WWOX: variants seen among roughly 807,000 people sequenced by gnomAD.
WWOX encodes WW domain containing oxidoreductase.
A neutral mutation model predicts 46.2 loss-of-function variants in WWOX; 69 were observed. The observed-to-expected ratio is 1.49, with a 90% CI of 1.23 to 1.82. The LOEUF is 1.82. Ranked by LOEUF, WWOX falls within the 40% of genes most tolerant of loss-of-function variation. The pLI, the probability that WWOX is intolerant of heterozygous loss-of-function variation, is 0.00. For synonymous variants in WWOX, 359 were observed against 202.6 expected (o/e 1.77, Z -6.56); for missense variants, 919 against 542.6 (o/e 1.69, Z -6.89).
intron 5 of WWOX, among the ~76,000 whole-genome samples, chr16:78,334,813 C>CGT (rs1567508362): frequency 8.0e-4 from 37 of 46,490 alleles, no homozygotes; most frequent in South Asian, 1.0e-3. Context: ...CACACGCACA[C>CGT]ACACACACAC....
intron 8 of WWOX, among the ~76,000 whole-genome samples, chr16:79,144,066 TTTA>T (rs1410234992): frequency 6.6e-6 from 1 of 152,008 alleles, no homozygotes; most frequent in Non-Finnish European, 1.5e-5. Flanking sequence ...CCCAGCTAAG[TTTA>T]TTATTTTTTG....
At chr16:78,920,857 A>G (rs550720470) in intron 8 of WWOX, among the ~76,000 whole-genome samples, 3 of 152,326 alleles carry the variant, frequency 2.0e-5, no homozygotes, top group South Asian at 2.1e-4. Context: ...GACTTGTTCA[A>G]AACTCTGATG....
intron 8 of WWOX, among the ~76,000 whole-genome samples, chr16:78,955,472 G>C (rs2046146392): frequency 6.6e-6 from 1 of 152,156 alleles, no homozygotes; most frequent in South Asian, 2.1e-4. Context: ...GAGCATGTGA[G>C]GGTGGATCAC....
chr16:78,711,973 A>T (rs888456601), intron 8 of WWOX, among the ~76,000 whole-genome samples: 20 of 152,280 alleles, frequency 1.3e-4, no homozygotes, highest in African/African-American at 3.9e-4. Flanking sequence ...TTGGACATTA[A>T]ATCTTCCATA....
At chr16:78,955,398 G>A (rs1208452401) in intron 8 of WWOX, among the ~76,000 whole-genome samples, 2 of 152,176 alleles carry the variant, frequency 1.3e-5, no homozygotes, top group Non-Finnish European at 2.9e-5. Context: ...CTTGAGGCAA[G>A]TGAGAGGTGT....
At chr16:78,867,975 T>C (rs1179434179) in intron 8 of WWOX, among the ~76,000 whole-genome samples, 1 of 152,168 alleles carries the variant, frequency 6.6e-6, no homozygotes, top group Non-Finnish European at 1.5e-5. Context: ...GAAACAGTTG[T>C]CCAGTGCCTT....
chr16:78,643,615 C>T (rs1010030458), intron 8 of WWOX, among the ~76,000 whole-genome samples: 1 of 152,132 alleles, frequency 6.6e-6, no homozygotes, highest in Non-Finnish European at 1.5e-5. Flanking sequence ...GCTGAATCTG[C>T]TTATAAGGCT....
intron 8 of WWOX, among the ~76,000 whole-genome samples, chr16:79,106,206 G>T (rs2049304949): frequency 6.6e-6 from 1 of 152,196 alleles, no homozygotes; most frequent in South Asian, 2.1e-4. Flanking sequence ...AGAGACTTCA[G>T]TGCCTGCTAA....
intron 8 of WWOX, among the ~76,000 whole-genome samples, chr16:79,015,210 G>T (rs2047389393): frequency 6.6e-6 from 1 of 152,140 alleles, no homozygotes. Flanking sequence ...ATAAGACAGT[G>T]TAGGAAACAC....
intron 8 of WWOX, among the ~76,000 whole-genome samples, chr16:78,935,530 C>G (rs1435974734): frequency 1.3e-5 from 2 of 149,220 alleles, no homozygotes; most frequent in African/African-American, 5.0e-5. Context: ...ACTGCATGTT[C>G]TCACTAATAG....
intron 8 of WWOX, among the ~76,000 whole-genome samples, chr16:78,685,077 C>G (rs775052333): frequency 2.0e-5 from 3 of 152,194 alleles, no homozygotes; most frequent in Non-Finnish European, 4.4e-5. Context: ...CGTCCACCCT[C>G]TGAGATCTTG....
intron 5 of WWOX, among the ~76,000 whole-genome samples, chr16:78,381,762 G>A (rs920581301): frequency 1.3e-5 from 2 of 152,162 alleles, no homozygotes; most frequent in Admixed American, 1.3e-4. Context: ...TGGATGGATG[G>A]ATGAATGGAT....
At chr16:78,643,534 C>T (rs2046770270) in intron 8 of WWOX, among the ~76,000 whole-genome samples, 1 of 152,150 alleles carries the variant, frequency 6.6e-6, no homozygotes, top group East Asian at 1.9e-4. Context: ...AGGCAAATGA[C>T]TTCCACATCT....
intron 8 of WWOX, among the ~76,000 whole-genome samples, chr16:79,200,472 G>C (rs764948327): frequency 7.1e-4 from 108 of 152,158 alleles, no homozygotes; most frequent in Non-Finnish European, 1.2e-3. Flanking sequence ...CTGCCCCGTT[G>C]CTTGGCCGTG....
chr16:79,052,465 A>G (rs13335971), intron 8 of WWOX, among the ~76,000 whole-genome samples: 17,848 of 152,240 alleles, frequency 0.12, 2,020 homozygotes, highest in African/African-American at 0.3. Context: ...TCTTTCTGCT[A>G]TAAAGACACA....
chr16:78,632,341 C>T (rs986240684), intron 8 of WWOX, among the ~76,000 whole-genome samples: 3 of 152,062 alleles, frequency 2.0e-5, no homozygotes, highest in Admixed American at 6.6e-5. Flanking sequence ...CAGAGTAGGT[C>T]AGCATGCCCA....
chr16:78,803,320 C>T (rs1036605143), intron 8 of WWOX, among the ~76,000 whole-genome samples: 52 of 152,042 alleles, frequency 3.4e-4, no homozygotes, highest in African/African-American at 1.1e-3. Flanking sequence ...TTTATTTGGC[C>T]AGAAAGTCTA....
At chr16:78,402,680 A>C (rs1023622719) in intron 6 of WWOX, among the ~76,000 whole-genome samples, 1 of 152,206 alleles carries the variant, frequency 6.6e-6, no homozygotes, top group Non-Finnish European at 1.5e-5. Flanking sequence ...ATCAAAGCCA[A>C]CAAGAGACAA....
chr16:78,701,759 A>T (rs759408150), intron 8 of WWOX, among the ~76,000 whole-genome samples: 10 of 151,954 alleles, frequency 6.6e-5, no homozygotes, highest in Non-Finnish European at 2.9e-5. Flanking sequence ...CCAGTTAAGC[A>T]GTGGGCCCTT....
Sources: allele counts gnomAD v4.1 joint callset (sites outside exome capture counted in the v4.1 genomes callset), GRCh38; gene constraint gnomAD v4.1.1; transcripts MANE v1.5; gene names NCBI Gene and HGNC (gene_info 2026-07-23, HGNC 2026-07-21).